The following C1QBP variants were observed in gnomAD, a reference collection of about 807,000 sequenced individuals.
The protein encoded by C1QBP is complement component 1 Q subcomponent-binding protein, mitochondrial.
In C1QBP, 24 loss-of-function variants were observed where a neutral mutation model predicts 29.4. That is an observed-to-expected ratio of 0.82 (90% CI 0.59 to 1.15). C1QBP has a LOEUF of 1.15. C1QBP is among the 50% of genes most tolerant of loss of function. C1QBP has a pLI of 0.00. For missense variants in C1QBP, 337 were observed against 355.8 expected (o/e 0.95, Z 0.43); for synonymous variants, 182 against 149.2 (o/e 1.22, Z -1.60).
At chr17:5,437,867 C>G (rs1199263701) in intron 2 of C1QBP, among the ~76,000 whole-genome samples, 4 of 152,236 alleles carry the variant, frequency 2.6e-5, no homozygotes, top group Admixed American at 2.6e-4. Flanking sequence ...GGCTGTAAAT[C>G]AGAGATCAAA....
chr17:5,432,793 AATT>A lies in C1QBP; in HGVS notation c.*219_*221del. ...CAAACTGCCTTGGAGGAGATAAACC[AATT>A]TTATGTCTATCATGTTATACAAAAA... On this transcript the variant is annotated 3_prime_UTR_variant, in exon 6 of 6. Coordinates refer to ENST00000225698, the MANE Select transcript of C1QBP (RefSeq NM_001212.4). 1.3e-6 allele frequency: 1 copy of A among 794,316 alleles called. No individual in the cohort carries two copies. The allele number at this position is 794,316 out of a possible 1,614,324, so 49.2% of individuals were successfully genotyped here. A position where few individuals can be genotyped will look rare whatever the true frequency, so the allele number is the denominator to read the frequency against.
intron 3 of C1QBP, chr17:5,434,048 G>T: frequency 2.2e-6 from 1 of 454,034 alleles, no homozygotes; most frequent in Non-Finnish European, 4.0e-6. Flanking sequence ...AACATTCCAA[G>T]CCTTTTCCTC....
intron 3 of C1QBP, chr17:5,434,172 T>C (rs1916191815): frequency 9.5e-6 from 2 of 211,012 alleles, no homozygotes; most frequent in South Asian, 7.4e-5. Context: ...GCCATCCTTA[T>C]GGCTGAATAA....
intron 2 of C1QBP, among the ~76,000 whole-genome samples, 190 bp downstream of exon 2, chr17:5,437,933 A>C (rs978356405): frequency 6.6e-6 from 1 of 152,222 alleles, no homozygotes; most frequent in Non-Finnish European, 1.5e-5. Flanking sequence ...TAACCAGCCC[A>C]CAGCAAATTT....
chr17:5,436,060 AAAAAG>A, intron 2 of C1QBP, among the ~76,000 whole-genome samples: 1 of 148,628 alleles, frequency 6.7e-6, no homozygotes, highest in South Asian at 2.1e-4. Flanking sequence ...AAAAAAAAAA[AAAAAG>A]AGTACATGAA....
At chr17:5,438,308 C>T (rs1311753665) in intron 1 of C1QBP, 35 bp from the exon 2 acceptor site, 3 of 1,606,090 alleles carry the variant, frequency 1.9e-6, no homozygotes, top group Admixed American at 1.7e-5. Flanking sequence ...AAAAGGAAAG[C>T]CAGTTAGTCT....
At chr17:5,438,610 G>A in intron 1 of C1QBP, 3 of 907,646 alleles carry the variant, frequency 3.3e-6, no homozygotes, top group South Asian at 3.5e-5. Context: ...GATAGAATAA[G>A]ACTAAGGAAA....
At chr17:5,435,114 A>G in intron 2 of C1QBP, 148 bp from the exon 3 acceptor site, 1 of 708,804 alleles carries the variant, frequency 1.4e-6, no homozygotes, top group Non-Finnish European at 2.5e-6. Flanking sequence ...TTATATGCAG[A>G]ACTTCAAACT....
chr17:5,434,083 TA>T, intron 3 of C1QBP: 1 of 333,266 alleles, frequency 3.0e-6, no homozygotes, highest in South Asian at 3.2e-5. Context: ...AAAGCTTTCC[TA>T]AAGTTTCAAG....
At position 5,438,230 on chromosome 17, in the gene C1QBP, C is replaced by T; in HGVS notation, c.276G>A (p.Glu92=). Residue 92 remains glutamate (E), a synonymous_variant, in exon 2 of 6, where the codon GAG becomes GAA. Coordinates refer to ENST00000225698, the MANE Select transcript of C1QBP (RefSeq NM_001212.4). Reference sequence around the variant, plus strand: ...TTTTATGCTTCTGAATTTTTCTTTCCTCCTTAATTTCATCACTCAGGAAAT... The same window carrying T: ...TTTTATGCTTCTGAATTTTTCTTTCTTCCTTAATTTCATCACTCAGGAAAT... ...FVDFLSDEIK[E]ERKIQKHKTL... 1.2e-6 allele frequency: 2 copies of T among 1,614,110 alleles called. No individual in the cohort carries two copies. The highest frequency in any genetic ancestry group is 1.7e-5 in the Admixed American group (1 of 60,020).
rs781372812 is a variant in C1QBP at position 5,438,232 on chromosome 17, C to T, written c.274G>A (p.Glu92Lys). ...FVDFLSDEIK[E>K]ERKIQKHKTL... ...TTATGCTTCTGAATTTTTCTTTCCT[C>T]CTTAATTTCATCACTCAGGAAATCA... is the stretch of plus-strand genomic sequence containing the variant. Residue 92 changes from glutamate to lysine, a missense_variant, in exon 2 of 6, where the codon GAG (glutamate) becomes AAG (lysine). By Grantham distance (56) the Glu-to-Lys change is moderately conservative. Transcript: ENST00000225698. 6.2e-7 allele frequency: 1 copy of T among 1,614,042 alleles called. No homozygotes were observed. The highest frequency in any genetic ancestry group is 1.3e-5 in the African/African-American group (1 of 74,938).
rs1340602785 is a variant in C1QBP, at chr17:5,434,545, G to A, written c.477+328C>T. On this transcript the variant is annotated intron_variant, in intron 3 of 5. Transcript: ENST00000225698. ...TGCAGTGGTGTGATCTTGGCTCACC[G>A]CAACCTCTGCCTCCCGGGTTCAAGC... 6.3e-5 allele frequency: 10 copies of A among 157,636 alleles called. No individual in the cohort carries two copies. In the South Asian group the frequency reaches 8.6e-4, roughly 14 times the overall value. 9.8% of individuals were successfully genotyped at this position (157,636 alleles called of 1,614,324 possible).
In C1QBP at chr17:5,434,464, CTTTTTTTT is replaced by C. The variant is rs576803401; in HGVS notation, c.477+401_477+408del. 1.6e-4 allele frequency among the ~76,000 whole-genome samples: 16 copies of C among 97,844 alleles called. No homozygotes were observed. The East Asian group carries it at 4.6e-3, about 28-fold the overall frequency. The allele number at this position is 97,844 out of a possible 152,430, so 64.2% of individuals were successfully genotyped here. A position where few individuals can be genotyped will look rare whatever the true frequency, so the allele number is the denominator to read the frequency against. ...CTTATGCCCCTGCCATTCTCTCTCT[CTTTTTTTT>C]TTTTTTTTTTTTTTGAGACAGAGTC... On this transcript the variant is annotated intron_variant, in intron 3 of 5. Coordinates refer to ENST00000225698, the MANE Select transcript of C1QBP (RefSeq NM_001212.4).
At chr17:5,436,440 T>A (rs1041484994) in intron 2 of C1QBP, among the ~76,000 whole-genome samples, 1 of 151,458 alleles carries the variant, frequency 6.6e-6, no homozygotes, top group Non-Finnish European at 1.5e-5. Context: ...AATTAAGGCA[T>A]ACATCTTCAC....
chr17:5,436,814 T>TCA (rs1247805185), intron 2 of C1QBP, among the ~76,000 whole-genome samples: 23 of 152,306 alleles, frequency 1.5e-4, no homozygotes, highest in African/African-American at 5.5e-4. Flanking sequence ...GGTCAGGACT[T>TCA]TGAGACCAGC....
chr17:5,438,736 A>G, intron 1 of C1QBP, 106 bp downstream of exon 1: 1 of 1,541,204 alleles, frequency 6.5e-7, no homozygotes, highest in Non-Finnish European at 8.7e-7. Context: ...GTTGCCAATC[A>G]ATGGAAAAAT....
Position 5,432,807 on chromosome 17 carries a change from CA to C in C1QBP, c.*207del. On this transcript the variant is annotated 3_prime_UTR_variant, in exon 6 of 6. Transcript: ENST00000225698. ...GGAGATAAACCAATTTTATGTCTAT[CA>C]TGTTATACAAAAATCTAGAAATAAT... is the stretch of plus-strand genomic sequence containing the variant. The C allele has an allele frequency of 2.4e-6, 2 of 823,220 alleles. No individual in the cohort carries two copies. The highest frequency in any genetic ancestry group is 3.6e-6 in the Non-Finnish European group (2 of 557,328). The allele number at this position is 823,220 out of a possible 1,614,324, so 51.0% of individuals were successfully genotyped here. A position where few individuals can be genotyped will look rare whatever the true frequency, so the allele number is the denominator to read the frequency against.
chr17:5,439,096 T>G lies in C1QBP; in HGVS notation c.-23A>C, dbSNP rs1441749671. The G allele has an allele frequency of 1.3e-6, 2 of 1,540,232 alleles. No homozygotes were observed. The highest frequency in any genetic ancestry group is 2.4e-5 in the South Asian group (2 of 83,850). ...CATCGCGGAAACGACTGCGAACACGTGCAGATGCAAAGGACAACCCAGGCC... is the reference window on the plus strand; with the variant it reads ...CATCGCGGAAACGACTGCGAACACGGGCAGATGCAAAGGACAACCCAGGCC... On this transcript the variant is annotated 5_prime_UTR_variant, in exon 1 of 6. Coordinates refer to ENST00000225698, the MANE Select transcript of C1QBP (RefSeq NM_001212.4).
chr17:5,433,111 A>G lies in C1QBP; in HGVS notation c.753T>C (p.Thr251=), dbSNP rs767926935. ...DFLADRGVDN[T]FADELVELST... is the part of the protein sequence containing the mutation. ...TGAGCTCCACCAGCTCATCTGCAAA[A>G]GTGTTGTCCACCCCTCGGTCGGCAA... Residue 251 remains threonine, a synonymous_variant, in exon 6 of 6, where the codon ACT becomes ACC. Coordinates refer to ENST00000225698, the MANE Select transcript of C1QBP (RefSeq NM_001212.4). 4.3e-6 allele frequency: 7 copies of G among 1,614,096 alleles called. No individual in the cohort carries two copies. Among genetic ancestry groups the G allele is most frequent in the Non-Finnish European group, 5.9e-6 (7 of 1,180,050 alleles).
Sources: allele counts gnomAD v4.1 joint callset (sites outside exome capture counted in the v4.1 genomes callset), GRCh38; gene constraint gnomAD v4.1.1; transcripts MANE v1.5; gene names NCBI Gene and HGNC (gene_info 2026-07-23, HGNC 2026-07-21).